The following BEST2 variants were observed in gnomAD, a reference collection of about 807,000 sequenced individuals.
BEST2 encodes the protein bestrophin 2.
In BEST2, 36 loss-of-function variants were observed where a neutral mutation model predicts 49.0. The ratio of observed to expected loss-of-function variants is 0.73; its 90% CI spans 0.56 to 0.97. The LOEUF (loss-of-function observed/expected upper bound fraction) is 0.97. Among genes scored for constraint, BEST2 ranks in the 50% least tolerant of loss-of-function variants. BEST2 has a pLI of 0.00. For missense variants in BEST2, 672 were observed against 710.0 expected (o/e 0.95, Z 0.61); for synonymous variants, 335 against 304.4 (o/e 1.10, Z -1.05).
intron 9 of BEST2, among the ~76,000 whole-genome samples, chr19:12,757,080 T>A (rs893966229): frequency 6.7e-6 from 1 of 149,568 alleles, no homozygotes; most frequent in African/African-American, 2.5e-5. Flanking sequence ...GAGGCAGAGG[T>A]TGCAGTGAGC....
chr19:12,754,679 G>C lies in BEST2; in HGVS notation c.375G>C (p.Arg125=). Residue 125 remains arginine, a synonymous_variant, in exon 4 of 10, where the codon CGG becomes CGC. Coordinates refer to ENST00000553030, the MANE Select transcript of BEST2 (RefSeq NM_017682.3). ...GCGACGACCGCGGCCGCCTCTACCG[G>C]CGCACACTCATGCGCTACGCAGGGC... ...HGRDDRGRLY[R]RTLMRYAGLS... is the part of the protein sequence containing the mutation. The C allele has an allele frequency of 6.3e-7, 1 of 1,577,292 alleles. No homozygotes were observed. The highest frequency in any genetic ancestry group is 8.6e-7 in the Non-Finnish European group (1 of 1,161,024).
intron 3 of BEST2, among the ~76,000 whole-genome samples, chr19:12,753,922 G>T (rs2145703457): frequency 2.0e-5 from 3 of 152,124 alleles, no homozygotes; most frequent in Non-Finnish European, 4.4e-5. Flanking sequence ...CCTTGTTTTA[G>T]GTCCCTATGC....
rs200006624 is a variant in BEST2, at chr19:12,754,528, C to T, written c.248-24C>T. The T allele has an allele frequency of 2.4e-4, 346 of 1,463,698 alleles. 1 individual carries two copies. The African/African-American group carries it at 4.2e-3, about 18-fold the overall frequency. The allele number at this position is 1,463,698 out of a possible 1,614,324, so 90.7% of individuals were successfully genotyped here. A position where few individuals can be genotyped will look rare whatever the true frequency, so the allele number is the denominator to read the frequency against. ...CCCTGGCCCTGGTGTCCCCACTGAG[C>T]CCCCATTCCCCGCTCCCCTGCAGGC... On this transcript the variant is annotated intron_variant, in intron 3 of 9. Coordinates refer to ENST00000553030, the MANE Select transcript of BEST2 (RefSeq NM_017682.3).
chr19:12,758,138 G>A lies in BEST2; in HGVS notation c.*61G>A. 6.4e-7 allele frequency: 1 copy of A among 1,568,738 alleles called. No homozygotes were observed. The highest frequency in any genetic ancestry group is 1.2e-5 in the South Asian group (1 of 86,814). On this transcript the variant is annotated 3_prime_UTR_variant, in exon 10 of 10. Coordinates refer to ENST00000553030, the MANE Select transcript of BEST2 (RefSeq NM_017682.3). ...AGGTCCCTGCACGGCACCCACGCAG[G>A]TGTCCCGGTCTGCATAAGCCTCGTG...
rs1161606512 is a variant in BEST2, at chr19:12,754,711, C to T, written c.407C>T (p.Ala136Val). The T allele has an allele frequency of 1.9e-6, 3 of 1,590,388 alleles. No individual in the cohort carries two copies. Among genetic ancestry groups the T allele is most frequent in the Non-Finnish European group, 2.6e-6 (3 of 1,168,396 alleles). ...CTCATGCGCTACGCAGGGCTCTCGG[C>T]CGTGCTCATCCTGCGCTCCGTCAGC... The part of the protein sequence containing the change: ...RTLMRYAGLS[A>V]VLILRSVSTA... The change falls in exon 4 of 10, where the codon GCC (alanine) becomes GTC (valine). Residue 136 changes from alanine (A) to valine (V), a missense_variant. Around this residue, in one of 3 missense-constraint regions of BEST2, gnomAD observed 365 missense variants for 390.9 expected, o/e 0.93. Coordinates refer to ENST00000553030, the MANE Select transcript of BEST2 (RefSeq NM_017682.3).
chr19:12,756,122 T>G lies in BEST2; in HGVS notation c.949-19T>G, dbSNP rs767381436. The G allele has an allele frequency of 6.2e-7, 1 of 1,614,006 alleles. No individual in the cohort carries two copies. The highest frequency in any genetic ancestry group is 8.5e-7 in the Non-Finnish European group (1 of 1,179,978). The stretch of plus-strand genomic sequence containing the variant: ...GGGTTGCCCTGCCCCCACTTTACCC[T>G]GTGTGTTTGCACCCGTAGGTGTCCA... On this transcript the variant is annotated intron_variant, in intron 8 of 9. Coordinates refer to ENST00000553030, the MANE Select transcript of BEST2 (RefSeq NM_017682.3).
chr19:12,753,455 C>T, intron 3 of BEST2, 101 bp downstream of exon 3: 1 of 1,124,392 alleles, frequency 8.9e-7, no homozygotes, highest in Non-Finnish European at 1.3e-6. Context: ...TGAGATCCCC[C>T]CCCTCAAATC....
rs1343213182 is a variant in BEST2, at chr19:12,758,264, C to T, written c.*187C>T. ...GAGTTCTTCCAGACTCTTGGACCAG[C>T]CCGCCCTGACCACCAGCTCTACTTC... On this transcript the variant is annotated 3_prime_UTR_variant, in exon 10 of 10. Coordinates refer to ENST00000553030, the MANE Select transcript of BEST2 (RefSeq NM_017682.3). The T allele has an allele frequency of 1.5e-6, 1 of 670,052 alleles. No homozygotes were observed. Among genetic ancestry groups the T allele is most frequent in the Non-Finnish European group, 2.4e-6 (1 of 409,722 alleles). 41.5% of individuals were successfully genotyped at this position (670,052 alleles called of 1,614,324 possible).
In BEST2 at chr19:12,754,990, G is replaced by A. The variant is rs751206150; in HGVS notation, c.595G>A (p.Gly199Ser). Reference protein sequence around the residue: ...SNLAAQARREGRIRDNSALKL... With the variant: ...SNLAAQARRESRIRDNSALKL... Reference sequence around the variant, plus strand: ...CCTGGCGGCACAGGCCCGACGCGAGGGCCGCATCCGCGACAACAGCGCCCT... The same window carrying A: ...CCTGGCGGCACAGGCCCGACGCGAGAGCCGCATCCGCGACAACAGCGCCCT... The change falls in exon 5 of 10, where the codon GGC (glycine) becomes AGC (serine). Residue 199 changes from glycine to serine, a missense_variant. By Grantham distance (56) the Gly-to-Ser change is moderately conservative. Around this residue, in one of 3 missense-constraint regions of BEST2, gnomAD observed 365 missense variants for 390.9 expected, o/e 0.93. Transcript: ENST00000553030. 5 of 1,611,708 alleles carry A rather than the reference G, an allele frequency of 3.1e-6. No homozygotes were observed. In the African/African-American group the frequency reaches 6.7e-5, roughly 22 times the overall value.
chr19:12,758,074 C>A lies in BEST2; in HGVS notation c.1527C>A (p.Ala509=). 6.2e-7 allele frequency: 1 copy of A among 1,612,636 alleles called. No homozygotes were observed. Among genetic ancestry groups the A allele is most frequent in the Non-Finnish European group, 8.5e-7 (1 of 1,179,800 alleles). ...SPIGEEEENL[A] ...TTGGCGAGGAGGAGGAGAATCTGGC[C>A]TGAGATCTTAGAGCCCAGCCCCCTA... Residue 509 remains alanine, a synonymous_variant, in exon 10 of 10, where the codon GCC becomes GCA. Transcript: ENST00000553030.
intron 9 of BEST2, among the ~76,000 whole-genome samples, chr19:12,757,269 C>T (rs534061447): frequency 9.3e-5 from 14 of 150,816 alleles, no homozygotes; most frequent in Admixed American, 7.9e-4. Context: ...AAAAATTAGC[C>T]GGTGTGGTGG....
rs2145708376 is a variant in BEST2, at chr19:12,758,219, T to A, written c.*142T>A. 6.5e-6 allele frequency: 7 copies of A among 1,082,458 alleles called. No individual in the cohort carries two copies. In the South Asian group the frequency reaches 9.2e-5, roughly 14 times the overall value. The allele number at this position is 1,082,458 out of a possible 1,614,324, so 67.1% of individuals were successfully genotyped here. ...CCAGCTCTCGCTGCCCGCATGTGTT[T>A]GGCGCTGTGCTAGGGGCGGGAGTTC... is the stretch of plus-strand genomic sequence containing the variant. On this transcript the variant is annotated 3_prime_UTR_variant, in exon 10 of 10. Coordinates refer to ENST00000553030, the MANE Select transcript of BEST2 (RefSeq NM_017682.3).
rs747250749 is a variant in BEST2 at position 12,755,023 on chromosome 19, C to A, written c.628C>A (p.Leu210Met). 1.4e-5 allele frequency: 23 copies of A among 1,602,502 alleles called. No individual in the cohort carries two copies. The highest frequency in any genetic ancestry group is 1.9e-5 in the Non-Finnish European group (22 of 1,176,346). The change falls in exon 5 of 10, where the codon CTG (leucine) becomes ATG (methionine). Residue 210 changes from leucine (L) to methionine (M), a missense_variant. This residue lies in a region of BEST2 where 365 missense variants were observed against 390.9 expected (regional missense o/e 0.93). Coordinates refer to ENST00000553030, the MANE Select transcript of BEST2 (RefSeq NM_017682.3). The surrounding 1 kb of genome is among the most constrained non-coding windows in gnomAD (Gnocchi z 4.4). Reference sequence around the variant, plus strand: ...CCGCGACAACAGCGCCCTTAAGCTGCTGCTCGAGGTGGGCCCAACCAGGAG... The same window carrying A: ...CCGCGACAACAGCGCCCTTAAGCTGATGCTCGAGGTGGGCCCAACCAGGAG... ...RIRDNSALKL[L>M]LEELNVFRGK...
intron 9 of BEST2, among the ~76,000 whole-genome samples, chr19:12,757,080 T>C (rs893966229): frequency 2.1e-4 from 31 of 149,568 alleles, no homozygotes; most frequent in Admixed American, 2.0e-4. Context: ...GAGGCAGAGG[T>C]TGCAGTGAGC....
intron 3 of BEST2, 58 bp downstream of exon 3, chr19:12,753,412 A>T (rs1390660071): frequency 6.5e-7 from 1 of 1,531,548 alleles, no homozygotes; most frequent in Non-Finnish European, 9.0e-7. Flanking sequence ...ATATCCATTC[A>T]TGCCTTTTGA....
chr19:12,755,984 G>T lies in BEST2; in HGVS notation c.948+49G>T. 3 of 1,599,188 alleles carry T rather than the reference G, an allele frequency of 1.9e-6. No individual in the cohort carries two copies. Among genetic ancestry groups the T allele is most frequent in the Non-Finnish European group, 2.6e-6 (3 of 1,166,826 alleles). ...ACTTCCAGGTGGCGACCATCCCGGA[G>T]TGCCCAACAGGGTTCTGGTCCCACC... On this transcript the variant is annotated intron_variant, in intron 8 of 9. Transcript: ENST00000553030. This position sits in a 1 kb window ranked among gnomAD's most constrained non-coding sequence, Gnocchi z 4.4.
chr19:12,756,089 G>A, intron 8 of BEST2, 52 bp from the exon 9 acceptor site: 1 of 1,611,008 alleles, frequency 6.2e-7, no homozygotes. Flanking sequence ...CCACCCTGTG[G>A]TCCCGGCGGG....
chr19:12,753,380 T>C (rs1967895634), intron 3 of BEST2, 26 bp downstream of exon 3: 2 of 1,591,460 alleles, frequency 1.3e-6, no homozygotes, highest in Non-Finnish European at 1.7e-6. Context: ...AAGTCCCCCG[T>C]TCCCATGTCC....
In BEST2 at chr19:12,757,796, C is replaced by T. The variant is rs1967963597; in HGVS notation, c.1249C>T (p.Leu417=). 3 of 1,548,138 alleles carry T rather than the reference C, an allele frequency of 1.9e-6. No homozygotes were observed. Among genetic ancestry groups the T allele is most frequent in the South Asian group, 1.2e-5 (1 of 84,024 alleles). The change falls in exon 10 of 10, where the codon CTA becomes TTA. Residue 417 remains leucine (L), a synonymous_variant. Coordinates refer to ENST00000553030, the MANE Select transcript of BEST2 (RefSeq NM_017682.3). ...GGPLGRRLSF[L]LRKNSCVSEA... ...CCCGCTGGGCCGGCGCCTGTCCTTTCTACTCCGCAAGAACAGCTGCGTGTC... is the reference window on the plus strand; with the variant it reads ...CCCGCTGGGCCGGCGCCTGTCCTTTTTACTCCGCAAGAACAGCTGCGTGTC...
Sources: gnomAD v4.1 joint callset for allele counts (sites outside exome capture counted in the v4.1 genomes callset) on GRCh38, gnomAD v4.1.1 for gene constraint, gnomAD v4.1.1 regional missense constraint, Gnocchi (gnomAD v3.1) non-coding constraint, MANE v1.5 for transcripts, NCBI Gene and HGNC (gene_info 2026-07-23, HGNC 2026-07-21) for gene names.